NOTCH3: variants seen among roughly 807,000 people sequenced by gnomAD.
NOTCH3 encodes the protein neurogenic locus notch homolog protein 3.
A neutral mutation model predicts 213.3 loss-of-function variants in NOTCH3; 86 were observed. The observed-to-expected ratio is 0.40, with a 90% CI of 0.34 to 0.48. The LOEUF (loss-of-function observed/expected upper bound fraction) is 0.48. Ranked by LOEUF, NOTCH3 falls within the 20% of genes least tolerant of loss-of-function variation. The pLI, the probability that NOTCH3 is intolerant of heterozygous loss-of-function variation, is 0.57. For synonymous variants in NOTCH3, 1,354 were observed against 1,355.9 expected (o/e 1.00, Z 0.03); for missense variants, 2,783 against 3,272.6 (o/e 0.85, Z 3.65).
At chr19:15,195,452 C>A (rs1249545715) in intron 2 of NOTCH3, among the ~76,000 whole-genome samples, 2 of 150,840 alleles carry the variant, frequency 1.3e-5, no homozygotes, top group Non-Finnish European at 3.0e-5. Flanking sequence ...ACGCTGCCAA[C>A]CCTCACCCCC....
chr19:15,178,765 C>CA, intron 23 of NOTCH3, 58 bp downstream of exon 23: 1 of 1,230,996 alleles, frequency 8.1e-7, no homozygotes, highest in Non-Finnish European at 1.2e-6. Context: ...CGCCACGCCC[C>CA]TACTACTCCA....
chr19:15,200,767 C>A, intron 1 of NOTCH3, 21 bp downstream of exon 1: 1 of 1,283,648 alleles, frequency 7.8e-7, no homozygotes, highest in Admixed American at 3.0e-5. Context: ...TCGTCCCATC[C>A]GCCAGGTCCC....
rs768444639 is a variant in NOTCH3, at chr19:15,192,189, G to A, written c.450C>T (p.Tyr150=). ...CGTCGCTTCGGCAGCTGCGGCCCTG[G>A]TAGCCAGGTGGGCAGGAGCAGAGGA... The part of the protein sequence containing the change: ...GRFLCSCPPG[Y]QGRSCRSDVD... The change falls in exon 4 of 33, where the codon TAC becomes TAT. Residue 150 remains tyrosine, a synonymous_variant. Transcript: ENST00000263388. The A allele has an allele frequency of 1.9e-6, 3 of 1,612,450 alleles. No homozygotes were observed. The South Asian group carries it at 3.3e-5, about 18-fold the overall frequency.
At chr19:15,174,009 G>A in intron 25 of NOTCH3, 59 bp downstream of exon 25, 1 of 1,380,062 alleles carries the variant, frequency 7.2e-7, no homozygotes, top group South Asian at 1.4e-5. Context: ...ACAAGACCTG[G>A]ATCAACAGCA....
At chr19:15,197,685 TG>T in intron 1 of NOTCH3, 107 bp from the exon 2 acceptor site, 1 of 841,970 alleles carries the variant, frequency 1.2e-6, no homozygotes, top group Non-Finnish European at 1.8e-6. Flanking sequence ...TGCATGGGGA[TG>T]GGGGCGTCTC....
intron 25 of NOTCH3, 74 bp from the exon 26 acceptor site, chr19:15,170,899 T>C: frequency 6.5e-7 from 1 of 1,536,108 alleles, no homozygotes. Flanking sequence ...AGCCCCACTT[T>C]CCCTCCCCAG....
At chr19:15,197,454 G>T (rs542120843) in intron 2 of NOTCH3, 46 bp downstream of exon 2, 2 of 487,674 alleles carry the variant, frequency 4.1e-6, no homozygotes, top group African/African-American at 2.8e-5. Flanking sequence ...CCTCCCCCCC[G>T]CCCCCACACA....
chr19:15,197,730 C>T (rs1275295464), intron 1 of NOTCH3, 152 bp from the exon 2 acceptor site: 3 of 519,780 alleles, frequency 5.8e-6, no homozygotes, highest in African/African-American at 2.8e-5. Context: ...TCCACAGTTC[C>T]CACGCCCCCC....
At position 15,185,771 on chromosome 19, in the gene NOTCH3, C is replaced by A. The variant is rs761249564; in HGVS notation, c.1952-92G>T. 9.3e-5 allele frequency: 115 copies of A among 1,234,784 alleles called. No individual in the cohort carries two copies. The highest frequency in any genetic ancestry group is 1.1e-4 in the Non-Finnish European group (98 of 855,602). The allele number at this position is 1,234,784 out of a possible 1,614,324, so 76.5% of individuals were successfully genotyped here. A position where few individuals can be genotyped will look rare whatever the true frequency, so the allele number is the denominator to read the frequency against. ...TGACCCCACTTAGCACACCCACACC[C>A]CCGAGCAATGACCTCTTTTTCATAA... On this transcript the variant is annotated intron_variant, in intron 12 of 32. Transcript: ENST00000263388. This position sits in a 1 kb window ranked among gnomAD's most constrained non-coding sequence, Gnocchi z 4.2.
At chr19:15,191,032 TTTTTTTA>T (rs2046922517) in intron 6 of NOTCH3, among the ~76,000 whole-genome samples, 1 of 150,416 alleles carries the variant, frequency 6.6e-6, no homozygotes, top group Non-Finnish European at 1.5e-5. Context: ...AGCATAATCT[TTTTTTTA>T]TTTTTTAAAT....
chr19:15,191,681 C>A (rs1252298913), intron 5 of NOTCH3, 24 bp from the exon 6 acceptor site: 1 of 1,613,424 alleles, frequency 6.2e-7, no homozygotes, highest in Non-Finnish European at 8.5e-7. Context: ...ATGCAGCAGT[C>A]CAGCCACCTG....
rs756520455 is a variant in NOTCH3, at chr19:15,191,990, C to A, written c.649G>T (p.Asp217Tyr). The change falls in exon 4 of 33, where the codon GAC becomes TAC. Residue 217 changes from aspartate (D) to tyrosine (Y), a missense_variant. Physicochemically the swap from Asp to Tyr is radical, Grantham distance 160. Transcript: ENST00000263388. ...AGACAGGCACAGTCGTAAGTGAGGT[C>A]GCCACTCTGCCTGCAGGTGCCCCCG... ...RNGGTCRQSG[D>Y]LTYDCACLPG... 6.2e-7 allele frequency: 1 copy of A among 1,613,422 alleles called. No homozygotes were observed. Among genetic ancestry groups the A allele is most frequent in the Non-Finnish European group, 8.5e-7 (1 of 1,180,032 alleles).
intron 20 of NOTCH3, 45 bp downstream of exon 20, chr19:15,180,027 A>C (rs756108833): frequency 2.7e-5 from 37 of 1,376,358 alleles, no homozygotes; most frequent in Non-Finnish European, 3.5e-5. Context: ...GACGCACCCA[A>C]GCATGCCCAC....
intron 1 of NOTCH3, among the ~76,000 whole-genome samples, chr19:15,200,499 C>T (rs2047003883): frequency 6.6e-6 from 1 of 151,990 alleles, no homozygotes; most frequent in African/African-American, 2.4e-5. Context: ...TGTACGCACC[C>T]CCCCACCTCG....
chr19:15,170,194 A>C, intron 27 of NOTCH3, 24 bp from the exon 28 acceptor site: 1 of 1,566,130 alleles, frequency 6.4e-7, no homozygotes, highest in Non-Finnish European at 8.7e-7. Context: ...GGAAGAGGGG[A>C]TGTGAGGGGG....
chr19:15,164,276 A>G (rs1388367721), intron 31 of NOTCH3, among the ~76,000 whole-genome samples: 1 of 152,132 alleles, frequency 6.6e-6, no homozygotes, highest in African/African-American at 2.4e-5. Context: ...TCAGTGGCTC[A>G]TGCCTATAAC....
At chr19:15,171,421 C>T (rs1048232675) in intron 25 of NOTCH3, among the ~76,000 whole-genome samples, 1 of 152,178 alleles carries the variant, frequency 6.6e-6, no homozygotes, top group African/African-American at 2.4e-5. Flanking sequence ...GAAATCAGAG[C>T]TCACTGTAGC....
intron 2 of NOTCH3, among the ~76,000 whole-genome samples, chr19:15,195,942 G>A (rs1247727708): frequency 6.6e-6 from 1 of 151,544 alleles, no homozygotes; most frequent in Admixed American, 6.6e-5. Context: ...AGTTAGGGGG[G>A]GCACGGCGGG....
intron 31 of NOTCH3, among the ~76,000 whole-genome samples, 163 bp from the exon 32 acceptor site, chr19:15,162,725 A>G (rs1036187038): frequency 7.9e-5 from 12 of 151,738 alleles, no homozygotes; most frequent in Non-Finnish European, 1.6e-4. Flanking sequence ...CAAATCTGCA[A>G]AATGACTCTG....
Sources: gnomAD v4.1 joint callset for allele counts (sites outside exome capture counted in the v4.1 genomes callset) on GRCh38, gnomAD v4.1.1 for gene constraint, Gnocchi (gnomAD v3.1) non-coding constraint, MANE v1.5 for transcripts, NCBI Gene and HGNC (gene_info 2026-07-23, HGNC 2026-07-21) for gene names.